Variants in RETREG1 observed in about 807,000 individuals in gnomAD.
RETREG1 encodes the protein family with sequence similarity 134 member B.
RETREG1 carries 44 observed loss-of-function variants against 54.8 expected under a neutral mutation model. The observed-to-expected ratio is 0.80, with a 90% CI of 0.63 to 1.03. The LOEUF (loss-of-function observed/expected upper bound fraction) is 1.03, where lower values mean the gene tolerates loss of function less well. Ranked by LOEUF, RETREG1 falls within the 50% of genes least tolerant of loss-of-function variation. The pLI is 0.00. For synonymous variants in RETREG1, 217 were observed against 238.5 expected (o/e 0.91, Z 0.83); for missense variants, 554 against 605.1 (o/e 0.92, Z 0.89).
At position 16,573,352 on chromosome 5, in the gene RETREG1, T is replaced by G. The variant is rs112364117; in HGVS notation, c.321-1250A>C. On this transcript the variant is annotated intron_variant, in intron 1 of 8. Transcript: ENST00000306320. ...CACACAAACCCTGCAGTGCTTTTTT[T>G]GGGTGTGTTTGTAAAGAAATCACAA... Among the ~76,000 whole-genome samples, 759 of 152,252 alleles carry G rather than the reference T, an allele frequency of 5.0e-3. 5 individuals carry two copies. Among genetic ancestry groups the G allele is most frequent in the African/African-American group, 0.018 (730 of 41,546 alleles).
chr5:16,571,024 AC>A (rs147396720), intron 2 of RETREG1, among the ~76,000 whole-genome samples: 6,045 of 152,290 alleles, frequency 0.04, 360 homozygotes, highest in African/African-American at 0.13. Flanking sequence ...CGAATATAAA[AC>A]AATCTAAAGA....
rs191493005 is a variant in RETREG1, at chr5:16,536,316, C to A, written c.458+29447G>T. 4.1e-4 allele frequency among the ~76,000 whole-genome samples: 62 copies of A among 152,338 alleles called. No individual in the cohort carries two copies. The East Asian group carries it at 9.6e-3, about 24-fold the overall frequency. On this transcript the variant is annotated intron_variant, in intron 3 of 8. Coordinates refer to ENST00000306320, the MANE Select transcript of RETREG1 (RefSeq NM_001034850.3). The stretch of plus-strand genomic sequence containing the variant: ...TGGCCTTGAAAGCAGGAAGCCCACA[C>A]TGATTCATTCCCAGAGAGAAGCTCT...
At chr5:16,572,344 CT>C (rs1234460228) in intron 1 of RETREG1, among the ~76,000 whole-genome samples, 3 of 151,876 alleles carry the variant, frequency 2.0e-5, no homozygotes, top group African/African-American at 7.3e-5. Context: ...TCGCAAGTAG[CT>C]GGGATTATAG....
At chr5:16,533,637 C>T (rs1200468807) in intron 3 of RETREG1, among the ~76,000 whole-genome samples, 1 of 152,010 alleles carries the variant, frequency 6.6e-6, no homozygotes, top group Admixed American at 6.6e-5. Flanking sequence ...CTTGAGTGAC[C>T]CACAGTACCC....
chr5:16,563,609 T>C (rs1052095423), intron 3 of RETREG1, among the ~76,000 whole-genome samples: 2 of 152,202 alleles, frequency 1.3e-5, no homozygotes, highest in Non-Finnish European at 2.9e-5. Flanking sequence ...ATGAGAGCCA[T>C]GCTCACCCTA....
intron 3 of RETREG1, among the ~76,000 whole-genome samples, chr5:16,541,047 T>C (rs1741227696): frequency 6.6e-6 from 1 of 152,214 alleles, no homozygotes; most frequent in Non-Finnish European, 1.5e-5. Flanking sequence ...CCCCAGACCT[T>C]ACTCATTTCA....
chr5:16,614,197 A>G (rs1242878459), intron 1 of RETREG1, among the ~76,000 whole-genome samples: 1 of 152,188 alleles, frequency 6.6e-6, no homozygotes, highest in African/African-American at 2.4e-5. Context: ...CCTTTCAATT[A>G]TTTTATGCAA....
At chr5:16,587,087 G>A (rs889858942) in intron 1 of RETREG1, among the ~76,000 whole-genome samples, 2 of 152,180 alleles carry the variant, frequency 1.3e-5, no homozygotes, top group Non-Finnish European at 2.9e-5. Flanking sequence ...GGGACAAAAG[G>A]AGACACTCAG....
At chr5:16,512,744 A>C (rs1159929303) in intron 3 of RETREG1, among the ~76,000 whole-genome samples, 1 of 152,156 alleles carries the variant, frequency 6.6e-6, no homozygotes, top group African/African-American at 2.4e-5. Context: ...GTCTCTTCAT[A>C]TCCCTTCCCA....
At chr5:16,538,850 G>A (rs1241153776) in intron 3 of RETREG1, among the ~76,000 whole-genome samples, 3 of 152,026 alleles carry the variant, frequency 2.0e-5, no homozygotes, top group South Asian at 2.1e-4. Flanking sequence ...GACTACAGGC[G>A]CCTGCCACAA....
intron 3 of RETREG1, among the ~76,000 whole-genome samples, chr5:16,504,350 T>C (rs1235640564): frequency 1.3e-5 from 2 of 152,202 alleles, no homozygotes; most frequent in Non-Finnish European, 2.9e-5. Flanking sequence ...TTGTGAATAG[T>C]TCCAGCTCCA....
At position 16,503,662 on chromosome 5, in the gene RETREG1, CA is replaced by C. The variant is rs1330647063; in HGVS notation, c.459-20191del. On this transcript the variant is annotated intron_variant, in intron 3 of 8. Coordinates refer to ENST00000306320, the MANE Select transcript of RETREG1 (RefSeq NM_001034850.3). ...TGGGCGACAGAGCAAGACTCCATCTCAAAAAAAAAAAAAAAAGAAAGAAAGA... is the reference window on the plus strand; with the variant it reads ...TGGGCGACAGAGCAAGACTCCATCTCAAAAAAAAAAAAAAAGAAAGAAAGA... 6.8e-3 allele frequency among the ~76,000 whole-genome samples: 623 copies of C among 91,684 alleles called. 6 individuals carry two copies. The highest frequency in any genetic ancestry group is 0.021 in the African/African-American group (518 of 24,398). 60.1% of individuals were successfully genotyped at this position (91,684 alleles called of 152,430 possible).
intron 1 of RETREG1, among the ~76,000 whole-genome samples, chr5:16,579,986 A>G (rs1182620823): frequency 6.6e-6 from 1 of 152,252 alleles, no homozygotes; most frequent in Non-Finnish European, 1.5e-5. Flanking sequence ...AAATTTTAAC[A>G]GTTCCATCAG....
intron 3 of RETREG1, among the ~76,000 whole-genome samples, chr5:16,528,637 A>AAGAAGAGGGTTTCCCAGCAGGTGGGATG (rs1740808496): frequency 6.6e-6 from 1 of 152,154 alleles, no homozygotes; most frequent in Non-Finnish European, 1.5e-5. Flanking sequence ...CAGGTGGGAT[A>AAGAAGAGGGTTTCCCAGCAGGTGGGATG]TGTGCAAGAA....
At chr5:16,483,157 A>T in intron 4 of RETREG1, 189 bp downstream of exon 4, 1 of 624,282 alleles carries the variant, frequency 1.6e-6, no homozygotes. Flanking sequence ...TCACAATGTG[A>T]GGCTGAGGAT....
chr5:16,486,426 T>G (rs1027296247), intron 3 of RETREG1, among the ~76,000 whole-genome samples: 2 of 152,234 alleles, frequency 1.3e-5, no homozygotes, highest in African/African-American at 2.4e-5. Context: ...TCTATAGTCT[T>G]CCAGTGAGTT....
intron 1 of RETREG1, among the ~76,000 whole-genome samples, chr5:16,591,858 A>G (rs564284780): frequency 6.6e-6 from 1 of 152,310 alleles, no homozygotes; most frequent in South Asian, 2.1e-4. Flanking sequence ...GAATAAAAGA[A>G]TAGATAATAA....
intron 1 of RETREG1, among the ~76,000 whole-genome samples, chr5:16,584,248 G>C (rs1369492862): frequency 6.6e-6 from 1 of 152,026 alleles, no homozygotes; most frequent in Non-Finnish European, 1.5e-5. Context: ...AATTTATTCA[G>C]GTAATCAAAT....
chr5:16,548,482 C>A (rs994972025), intron 3 of RETREG1, among the ~76,000 whole-genome samples: 3 of 152,166 alleles, frequency 2.0e-5, no homozygotes, highest in African/African-American at 7.2e-5. Flanking sequence ...CCCAGTTGAT[C>A]CACAGAAACA....
Sources: gnomAD v4.1 joint callset for allele counts (sites outside exome capture counted in the v4.1 genomes callset) on GRCh38, gnomAD v4.1.1 for gene constraint, MANE v1.5 for transcripts, NCBI Gene and HGNC (gene_info 2026-07-23, HGNC 2026-07-21) for gene names.